Variants in LHPP observed in about 807,000 individuals in gnomAD.
The protein encoded by LHPP is phospholysine phosphohistidine inorganic pyrophosphate phosphatase.
A neutral mutation model predicts 30.3 loss-of-function variants in LHPP; 24 were observed. The ratio of observed to expected loss-of-function variants is 0.79; its 90% CI spans 0.57 to 1.11. LHPP has a LOEUF of 1.11. LHPP is among the 50% of genes most tolerant of loss of function. LHPP has a pLI of 0.00. For synonymous variants in LHPP, 150 were observed against 157.1 expected, an observed-to-expected ratio of 0.95 and a Z score of 0.34; for missense variants, 356 against 367.2, an observed-to-expected ratio of 0.97 and a Z score of 0.25.
At position 124,526,232 on chromosome 10, in the gene LHPP, C is replaced by T. The variant is rs368586614; in HGVS notation, c.716+8961C>T. 1.9e-5 allele frequency: 19 copies of T among 985,370 alleles called. No homozygotes were observed. The East Asian group carries it at 3.4e-4, about 18-fold the overall frequency. The allele number at this position is 985,370 out of a possible 1,614,324, so 61.0% of individuals were successfully genotyped here. A position where few individuals can be genotyped will look rare whatever the true frequency, so the allele number is the denominator to read the frequency against. On this transcript the variant is annotated intron_variant, in intron 6 of 6. Coordinates refer to ENST00000368842, the MANE Select transcript of LHPP (RefSeq NM_022126.4). ...TTCTCCCAAGACACTCCCTGAAGCG[C>T]GTTCCCCAGGAGCTGGAAGGGGGAT...
At chr10:124,493,560 A>G (rs1953600473) in intron 3 of LHPP, among the ~76,000 whole-genome samples, 1 of 152,190 alleles carries the variant, frequency 6.6e-6, no homozygotes, top group East Asian at 1.9e-4. Context: ...TCAGAAAATT[A>G]AGCTGTTTAC....
At chr10:124,544,301 A>G (rs1175960490) in intron 6 of LHPP, among the ~76,000 whole-genome samples, 1 of 152,196 alleles carries the variant, frequency 6.6e-6, no homozygotes, top group Non-Finnish European at 1.5e-5. Context: ...CCTCTCTGGA[A>G]CCAGGGGTGG....
intron 6 of LHPP, among the ~76,000 whole-genome samples, chr10:124,521,326 C>T (rs1020542702): frequency 1.4e-4 from 21 of 152,254 alleles, no homozygotes; most frequent in South Asian, 4.1e-4. Flanking sequence ...AGCAGCACCT[C>T]GCCCTTCCAG....
rs1955433968 is a variant in LHPP, at chr10:124,549,767, A to G, written c.716+32496A>G. ...TGGCCGGGGTGGGCATGGCCGGGAA[A>G]GGCATGGCCTCCAGAATCAGAGGCC... On this transcript the variant is annotated intron_variant, in intron 6 of 6. Coordinates refer to ENST00000368842, the MANE Select transcript of LHPP (RefSeq NM_022126.4). Among the ~76,000 whole-genome samples, 4 of 152,332 alleles carry G rather than the reference A, an allele frequency of 2.6e-5. No individual in the cohort carries two copies. The South Asian group carries it at 8.3e-4, about 32-fold the overall frequency.
At position 124,471,754 on chromosome 10, in the gene LHPP, T is replaced by C. The variant is rs1254159263; in HGVS notation, c.125+9767T>C. On this transcript the variant is annotated intron_variant, in intron 1 of 6. Transcript: ENST00000368842. ...ATATATATTTGTATATATATTTGTA[T>C]ATATATATATTTATATATAAATATT... 1.1e-3 allele frequency among the ~76,000 whole-genome samples: 138 copies of C among 129,542 alleles called. 3 individuals carry two copies. The highest frequency in any genetic ancestry group is 3.9e-3 in the African/African-American group (132 of 33,552). The allele number at this position is 129,542 out of a possible 152,430, so 85.0% of individuals were successfully genotyped here. A position where few individuals can be genotyped will look rare whatever the true frequency, so the allele number is the denominator to read the frequency against.
chr10:124,559,002 C>T (rs960806941), intron 6 of LHPP, among the ~76,000 whole-genome samples: 5 of 152,272 alleles, frequency 3.3e-5, no homozygotes, highest in East Asian at 3.9e-4. Context: ...TTCCTGCACC[C>T]GGGACAGCCC....
chr10:124,562,023 A>C (rs1422974227), intron 6 of LHPP, among the ~76,000 whole-genome samples: 2 of 152,208 alleles, frequency 1.3e-5, no homozygotes, highest in Non-Finnish European at 2.9e-5. Context: ...TAGAAGATAC[A>C]GGGCCAGGTA....
At position 124,492,810 on chromosome 10, in the gene LHPP, C is replaced by CT. The variant is rs1256344831; in HGVS notation, c.468-4148dup. Among the ~76,000 whole-genome samples, 5 of 152,322 alleles carry CT rather than the reference C, an allele frequency of 3.3e-5. No homozygotes were observed. In the South Asian group the frequency reaches 1.0e-3, roughly 32 times the overall value. On this transcript the variant is annotated intron_variant, in intron 3 of 6. Transcript: ENST00000368842. ...ATTTACCCGGGCTGACCCATTAGGCCTTTGAGTCACCAACACCTCACTAGA... is the reference window on the plus strand; with the variant it reads ...ATTTACCCGGGCTGACCCATTAGGCCTTTTGAGTCACCAACACCTCACTAGA...
In LHPP at chr10:124,461,845, G is replaced by A; in HGVS notation, c.-18G>A. 3 of 1,237,344 alleles carry A rather than the reference G, an allele frequency of 2.4e-6. No homozygotes were observed. Among genetic ancestry groups the A allele is most frequent in the Non-Finnish European group, 3.0e-6 (3 of 987,138 alleles). The allele number at this position is 1,237,344 out of a possible 1,614,324, so 76.6% of individuals were successfully genotyped here. The stretch of plus-strand genomic sequence containing the variant: ...GGCGTCGGTTGGGACGCGGAGCTGA[G>A]GAGCAGGGCCGGGCGCCATGGCACC... On this transcript the variant is annotated 5_prime_UTR_variant, in exon 1 of 7. Transcript: ENST00000368842.
intron 5 of LHPP, among the ~76,000 whole-genome samples, chr10:124,508,450 C>T (rs1954217569): frequency 1.3e-5 from 2 of 152,198 alleles, no homozygotes; most frequent in South Asian, 4.1e-4. Context: ...TGGCACCTAG[C>T]CCTGCAGCTG....
At chr10:124,524,690 G>T (rs1954689775) in intron 6 of LHPP, among the ~76,000 whole-genome samples, 2 of 152,122 alleles carry the variant, frequency 1.3e-5, no homozygotes, top group Non-Finnish European at 2.9e-5. Context: ...AAATTAGCCA[G>T]GTGTGGTGAC....
chr10:124,552,270 G>A (rs527729002), intron 6 of LHPP, among the ~76,000 whole-genome samples: 1 of 152,252 alleles, frequency 6.6e-6, no homozygotes, highest in African/African-American at 2.4e-5. Flanking sequence ...TTACGGAAAC[G>A]GAGTCTTAGG....
At chr10:124,473,920 CCT>C (rs1297651182) in intron 1 of LHPP, among the ~76,000 whole-genome samples, 1 of 152,128 alleles carries the variant, frequency 6.6e-6, no homozygotes, top group Non-Finnish European at 1.5e-5. Flanking sequence ...TGCACTCCAG[CCT>C]GGGCAATACC....
chr10:124,591,263 C>G (rs1948879879), intron 6 of LHPP, among the ~76,000 whole-genome samples: 1 of 152,144 alleles, frequency 6.6e-6, no homozygotes, highest in Non-Finnish European at 1.5e-5. Flanking sequence ...GGAGAAAAGA[C>G]AAAAGCTGGG....
intron 1 of LHPP, among the ~76,000 whole-genome samples, chr10:124,473,144 G>A (rs893304317): frequency 1.4e-4 from 21 of 152,246 alleles, no homozygotes; most frequent in African/African-American, 5.1e-4. Flanking sequence ...GCCTCTGGTT[G>A]GAAGCCCTTG....
At chr10:124,509,495 A>AGGT (rs1564799843) in intron 5 of LHPP, among the ~76,000 whole-genome samples, 1 of 151,472 alleles carries the variant, frequency 6.6e-6, no homozygotes, top group African/African-American at 2.4e-5. Context: ...GTGTCCGTTC[A>AGGT]CCTTCCTGAC....
intron 6 of LHPP, among the ~76,000 whole-genome samples, chr10:124,591,794 C>A (rs559466082): frequency 6.6e-5 from 10 of 150,694 alleles, no homozygotes; most frequent in African/African-American, 2.2e-4. Flanking sequence ...GTTCTAAGCT[C>A]CGCAGCTGAC....
intron 1 of LHPP, among the ~76,000 whole-genome samples, chr10:124,463,510 C>T (rs1952465498): frequency 6.6e-6 from 1 of 151,734 alleles, no homozygotes; most frequent in Non-Finnish European, 1.5e-5. Context: ...TTACAGGCAC[C>T]CGCCACCACG....
At chr10:124,551,870 G>A (rs1459615223) in intron 6 of LHPP, among the ~76,000 whole-genome samples, 2 of 152,118 alleles carry the variant, frequency 1.3e-5, no homozygotes, top group Non-Finnish European at 2.9e-5. Context: ...GGAGGCGCAC[G>A]CAGGATGTCC....
Sources: allele counts gnomAD v4.1 joint callset (sites outside exome capture counted in the v4.1 genomes callset), GRCh38; gene constraint gnomAD v4.1.1; transcripts MANE v1.5; gene names NCBI Gene and HGNC (gene_info 2026-07-23, HGNC 2026-07-21).